CNIH3: variants seen among roughly 807,000 people sequenced by gnomAD.
CNIH3 encodes cornichon family AMPA receptor auxiliary protein 3, also known as protein cornichon homolog 3.
A neutral mutation model predicts 24.1 loss-of-function variants in CNIH3; 14 were observed. That is an observed-to-expected ratio of 0.58 (90% confidence interval 0.38 to 0.91). The LOEUF (loss-of-function observed/expected upper bound fraction) is 0.91. Among genes scored for constraint, CNIH3 ranks in the 40% least tolerant of loss-of-function variants. The pLI is 0.00. For synonymous variants in CNIH3, 68 were observed against 73.8 expected, an observed-to-expected ratio of 0.92 and a Z score of 0.40; for missense variants, 178 against 196.8, an observed-to-expected ratio of 0.90 and a Z score of 0.57.
intron 3 of CNIH3, among the ~76,000 whole-genome samples, chr1:224,605,961 T>A (rs1192314187): frequency 6.6e-6 from 1 of 152,190 alleles, no homozygotes; most frequent in Non-Finnish European, 1.5e-5. Context: ...ATAGTTCCCT[T>A]GACCACTCTG....
At chr1:224,480,199 G>A (rs1676753096) in intron 1 of CNIH3, among the ~76,000 whole-genome samples, 2 of 152,216 alleles carry the variant, frequency 1.3e-5, no homozygotes, top group Admixed American at 1.3e-4. Context: ...GCAACAGCCT[G>A]AGCTGTACCT....
chr1:224,635,518 G>A (rs1052011546), intron 1 of CNIH3, among the ~76,000 whole-genome samples: 2 of 152,224 alleles, frequency 1.3e-5, no homozygotes, highest in African/African-American at 4.8e-5. Context: ...AGTGAGTCCT[G>A]CTGAGCAACA....
intron 1 of CNIH3, among the ~76,000 whole-genome samples, chr1:224,442,561 G>A (rs1403601742): frequency 6.6e-6 from 1 of 151,344 alleles, no homozygotes; most frequent in East Asian, 1.9e-4. Context: ...TTTTTTCCCT[G>A]TGATGGCGCA....
At chr1:224,448,700 T>G (rs1675262408) in intron 1 of CNIH3, among the ~76,000 whole-genome samples, 1 of 152,238 alleles carries the variant, frequency 6.6e-6, no homozygotes. Context: ...TCACCAGCAC[T>G]GCACATTTCA....
At chr1:224,570,279 G>A (rs1371104199) in intron 4 of CNIH3, among the ~76,000 whole-genome samples, 1 of 152,182 alleles carries the variant, frequency 6.6e-6, no homozygotes, top group Non-Finnish European at 1.5e-5. Flanking sequence ...CCCATGTAGT[G>A]AGCATAGTAC....
chr1:224,647,150 C>T (rs1178074752), intron 1 of CNIH3, among the ~76,000 whole-genome samples: 2 of 152,068 alleles, frequency 1.3e-5, no homozygotes, highest in African/African-American at 2.4e-5. Flanking sequence ...ACCCAGCTCA[C>T]GTCTGTATTT....
At chr1:224,519,906 G>A (rs1245365611) in intron 1 of CNIH3, among the ~76,000 whole-genome samples, 2 of 152,100 alleles carry the variant, frequency 1.3e-5, no homozygotes, top group South Asian at 4.2e-4. Context: ...CACATTTCAA[G>A]TGCTTACTAG....
chr1:224,501,530 T>TAC (rs201633019), intron 1 of CNIH3, among the ~76,000 whole-genome samples: 2,395 of 149,456 alleles, frequency 0.016, 96 homozygotes, highest in African/African-American at 0.056. Context: ...TATATATTTT[T>TAC]TTTTTTTAAC....
At chr1:224,583,686 C>T (rs1437936199) in intron 5 of CNIH3, among the ~76,000 whole-genome samples, 1 of 152,160 alleles carries the variant, frequency 6.6e-6, no homozygotes, top group Non-Finnish European at 1.5e-5. Context: ...CCATTGGAGA[C>T]TCTGATTCAG....
intron 1 of CNIH3, among the ~76,000 whole-genome samples, chr1:224,644,507 T>G (rs901706605): frequency 6.6e-6 from 1 of 152,154 alleles, no homozygotes; most frequent in African/African-American, 2.4e-5. Context: ...CTGGCTCTAA[T>G]ATTATGCCTG....
chr1:224,439,091 A>C (rs1462119707), intron 1 of CNIH3, among the ~76,000 whole-genome samples: 1 of 152,166 alleles, frequency 6.6e-6, no homozygotes, highest in African/African-American at 2.4e-5. Context: ...ACACGGCTTC[A>C]TATTGGCCTT....
chr1:224,482,090 G>A (rs189121331), intron 1 of CNIH3, among the ~76,000 whole-genome samples: 78 of 152,274 alleles, frequency 5.1e-4, no homozygotes, highest in African/African-American at 1.6e-3. Context: ...TGTTCAGTCA[G>A]CTTGTGTTGA....
intron 1 of CNIH3, among the ~76,000 whole-genome samples, chr1:224,658,789 C>T (rs955795197): frequency 1.3e-5 from 2 of 151,516 alleles, no homozygotes; most frequent in Admixed American, 1.3e-4. Flanking sequence ...ATTAATATTA[C>T]ATATTTTGTT....
chr1:224,609,784 T>C (rs993953501), intron 3 of CNIH3, among the ~76,000 whole-genome samples: 3 of 152,154 alleles, frequency 2.0e-5, no homozygotes, highest in Non-Finnish European at 2.9e-5. Context: ...GGCATTCCCC[T>C]TTACGCTTTG....
intron 3 of CNIH3, among the ~76,000 whole-genome samples, chr1:224,705,862 T>TTC: frequency 2.7e-5 from 4 of 147,406 alleles, no homozygotes; most frequent in African/African-American, 7.4e-5. Context: ...TTTTTTTCTT[T>TTC]TTTTTTTTTT....
Position 224,458,035 on chromosome 1 carries a change from G to A in CNIH3, n.203+23173G>A, listed in dbSNP as rs1284884887. On this transcript the variant is annotated intron_variant and non_coding_transcript_variant, in intron 1 of 5. Transcript: ENST00000471578. The surrounding 1 kb of genome is among the most constrained non-coding windows in gnomAD (Gnocchi z 4.3). ...TCTTAAACAGAAATAGTGTATTACT[G>A]TAATAATTATAGTGAAGTACTGCAC... Among the ~76,000 whole-genome samples the A allele has an allele frequency of 6.6e-6, 1 of 152,206 alleles. No homozygotes were observed. The highest frequency in any genetic ancestry group is 2.4e-5 in the African/African-American group (1 of 41,446).
chr1:224,596,197 G>T (rs1430628491), intron 3 of CNIH3, among the ~76,000 whole-genome samples: 1 of 152,176 alleles, frequency 6.6e-6, no homozygotes, highest in Non-Finnish European at 1.5e-5. Context: ...CTCATTAGGG[G>T]CTAATGCAAT....
At position 224,723,246 on chromosome 1, in the gene CNIH3, G is replaced by C. The variant is rs1688831958; in HGVS notation, c.199-7216G>C. Among the ~76,000 whole-genome samples, 2 of 152,196 alleles carry C rather than the reference G, an allele frequency of 1.3e-5. 1 individual carries two copies. Among genetic ancestry groups the C allele is most frequent in the South Asian group, 4.1e-4 (2 of 4,828 alleles). ...GCTGGTTGCTGATGTGTCAGGCACA[G>C]CTAAGTCCCAACAGGGGCCTCTGGG... On this transcript the variant is annotated intron_variant, in intron 3 of 5. Transcript: ENST00000272133.
chr1:224,455,231 C>G (rs1305084802), intron 1 of CNIH3, among the ~76,000 whole-genome samples: 1 of 152,154 alleles, frequency 6.6e-6, no homozygotes, highest in East Asian at 1.9e-4. Context: ...ATGGTTTCTA[C>G]TGAATGTGTA....
Sources: allele counts gnomAD v4.1 joint callset (sites outside exome capture counted in the v4.1 genomes callset), GRCh38; gene constraint gnomAD v4.1.1; non-coding constraint Gnocchi (gnomAD v3.1); transcripts MANE v1.5; gene names NCBI Gene and HGNC (gene_info 2026-07-23, HGNC 2026-07-21).